Variants in FHIT observed in about 807,000 individuals in gnomAD.
FHIT encodes fragile histidine triad diadenosine triphosphatase.
A neutral mutation model predicts 17.9 loss-of-function variants in FHIT; 19 were observed. That is an observed-to-expected ratio of 1.06 (90% CI 0.74 to 1.56). The LOEUF (loss-of-function observed/expected upper bound fraction) is 1.56. Among genes scored for constraint, FHIT ranks in the 40% most tolerant of loss-of-function variants. FHIT has a pLI of 0.00. For synonymous variants in FHIT, 81 were observed against 69.7 expected, an observed-to-expected ratio of 1.16 and a Z score of -0.81; for missense variants, 248 against 189.2, an observed-to-expected ratio of 1.31 and a Z score of -1.82.
At chr3:59,847,989 C>T (rs149953084) in intron 8 of FHIT, among the ~76,000 whole-genome samples, 9 of 152,178 alleles carry the variant, frequency 5.9e-5, no homozygotes, top group Non-Finnish European at 1.5e-5. Flanking sequence ...CCCTAGGAGT[C>T]ACTTCAGCTA....
intron 5 of FHIT, among the ~76,000 whole-genome samples, chr3:60,072,955 T>A (rs1702844708): frequency 1.3e-5 from 2 of 152,224 alleles, no homozygotes; most frequent in South Asian, 4.1e-4. Flanking sequence ...GGTCAACAGA[T>A]GACTGCACTG....
At chr3:60,438,405 T>C (rs2030473846) in intron 5 of FHIT, among the ~76,000 whole-genome samples, 1 of 151,906 alleles carries the variant, frequency 6.6e-6, no homozygotes, top group African/African-American at 2.4e-5. Flanking sequence ...AATAATCATG[T>C]AAAACTCCCC....
intron 5 of FHIT, among the ~76,000 whole-genome samples, chr3:60,017,339 G>A (rs187789492): frequency 1.1e-4 from 17 of 152,114 alleles, no homozygotes; most frequent in African/African-American, 3.4e-4. Context: ...ACAGAGAATC[G>A]TAAGATCAAA....
chr3:60,375,517 G>A (rs1700516450), intron 5 of FHIT, among the ~76,000 whole-genome samples: 1 of 152,132 alleles, frequency 6.6e-6, no homozygotes, highest in African/African-American at 2.4e-5. Flanking sequence ...AGAGGTTGCA[G>A]TGAGCAGAGA....
intron 8 of FHIT, among the ~76,000 whole-genome samples, chr3:59,808,675 C>T (rs534309877): frequency 1.3e-4 from 20 of 152,230 alleles, no homozygotes; most frequent in Non-Finnish European, 2.1e-4. Flanking sequence ...TTCAGTTGGC[C>T]GTTTGGGCAG....
At chr3:59,767,227 G>C (rs150194979) in intron 8 of FHIT, among the ~76,000 whole-genome samples, 1 of 152,108 alleles carries the variant, frequency 6.6e-6, no homozygotes, top group Non-Finnish European at 1.5e-5. Context: ...GGCCGGGCGC[G>C]GTGGCTCACG....
chr3:60,251,978 A>G (rs1050965578), intron 5 of FHIT, among the ~76,000 whole-genome samples: 11 of 152,218 alleles, frequency 7.2e-5, no homozygotes, highest in Non-Finnish European at 1.3e-4. Flanking sequence ...CTAACTCTGG[A>G]AAACGCATTC....
chr3:60,152,002 G>A (rs1700487553), intron 5 of FHIT, among the ~76,000 whole-genome samples: 1 of 152,120 alleles, frequency 6.6e-6, no homozygotes, highest in African/African-American at 2.4e-5. Context: ...ATCAAGCATA[G>A]AGCCTGGCAC....
chr3:60,067,019 G>A (rs1702544644), intron 5 of FHIT, among the ~76,000 whole-genome samples: 1 of 151,932 alleles, frequency 6.6e-6, no homozygotes, highest in Non-Finnish European at 1.5e-5. Context: ...CTATCACAGA[G>A]GTAGGCAAAT....
At chr3:59,895,224 C>T (rs141226733) in intron 8 of FHIT, among the ~76,000 whole-genome samples, 2,245 of 152,268 alleles carry the variant, frequency 0.015, 66 homozygotes, top group African/African-American at 0.051. Flanking sequence ...TGGATTAGCA[C>T]GGAACACAGA....
chr3:60,384,451 T>C lies in FHIT; in HGVS notation c.103+152409A>G, dbSNP rs541913035. Among the ~76,000 whole-genome samples the C allele has an allele frequency of 9.5e-4, 144 of 152,294 alleles. 1 individual carries two copies. Among genetic ancestry groups the C allele is most frequent in the African/African-American group, 3.2e-3 (132 of 41,558 alleles). Reference sequence around the variant, plus strand: ...CCAGTTATACACTTTAAAGGTTTGGTATCTTTAGCCCCATGCGAGGAGAGA... The same window carrying C: ...CCAGTTATACACTTTAAAGGTTTGGCATCTTTAGCCCCATGCGAGGAGAGA... On this transcript the variant is annotated intron_variant, in intron 5 of 9. Coordinates refer to ENST00000492590, the MANE Select transcript of FHIT (RefSeq NM_002012.4).
At chr3:59,974,663 T>C (rs1708332680) in intron 7 of FHIT, among the ~76,000 whole-genome samples, 1 of 152,128 alleles carries the variant, frequency 6.6e-6, no homozygotes, top group Non-Finnish European at 1.5e-5. Flanking sequence ...ACTTTATACG[T>C]ACCTAAATGA....
chr3:61,080,250 A>T (rs2035094577), intron 2 of FHIT, among the ~76,000 whole-genome samples: 1 of 152,186 alleles, frequency 6.6e-6, no homozygotes, highest in South Asian at 2.1e-4. Context: ...TGCACAATAT[A>T]ATCAAATCCT....
intron 5 of FHIT, among the ~76,000 whole-genome samples, chr3:60,295,667 T>C (rs1268358817): frequency 1.3e-5 from 2 of 152,154 alleles, no homozygotes. Context: ...TTGGAGGCTA[T>C]TCAAACTGTA....
chr3:60,360,687 C>A (rs1417765186), intron 5 of FHIT, among the ~76,000 whole-genome samples: 1 of 152,130 alleles, frequency 6.6e-6, no homozygotes, highest in Non-Finnish European at 1.5e-5. Flanking sequence ...TCATAATAAA[C>A]CTGTTCTTTA....
At chr3:60,995,237 G>A (rs2030575830) in intron 3 of FHIT, among the ~76,000 whole-genome samples, 1 of 152,052 alleles carries the variant, frequency 6.6e-6, no homozygotes, top group Admixed American at 6.6e-5. Context: ...TGAGAATGGC[G>A]TGAACCCGGG....
chr3:60,907,794 T>A (rs1312245834), intron 3 of FHIT, among the ~76,000 whole-genome samples: 6 of 152,328 alleles, frequency 3.9e-5, no homozygotes, highest in African/African-American at 1.2e-4. Context: ...ATAACTAGCA[T>A]ATTTTGAATG....
intron 5 of FHIT, among the ~76,000 whole-genome samples, chr3:60,390,804 T>G (rs552348412): frequency 6.6e-6 from 1 of 152,150 alleles, no homozygotes; most frequent in Non-Finnish European, 1.5e-5. Flanking sequence ...TATTTGTACA[T>G]AGCTGTACAA....
chr3:60,798,490 C>T (rs1553731148), intron 4 of FHIT, among the ~76,000 whole-genome samples: 1 of 152,146 alleles, frequency 6.6e-6, no homozygotes, highest in Non-Finnish European at 1.5e-5. Flanking sequence ...AAAAAGTTAT[C>T]TCATGGCAGA....
Sources: gnomAD v4.1 joint callset for allele counts (sites outside exome capture counted in the v4.1 genomes callset) on GRCh38, gnomAD v4.1.1 for gene constraint, MANE v1.5 for transcripts, NCBI Gene and HGNC (gene_info 2026-07-23, HGNC 2026-07-21) for gene names.